PIH1D1: variants seen among roughly 807,000 people sequenced by gnomAD.
PIH1D1 encodes the protein PIH1 domain-containing protein 1.
A neutral mutation model predicts 38.5 loss-of-function variants in PIH1D1; 28 were observed. That is an observed-to-expected ratio of 0.73 (90% CI 0.54 to 1.00). The LOEUF (loss-of-function observed/expected upper bound fraction) is 1.00, where lower values mean the gene tolerates loss of function less well. Among genes scored for constraint, PIH1D1 ranks in the 50% least tolerant of loss-of-function variants. The probability of loss-of-function intolerance (pLI) is 0.00; values close to 1 mark genes in which losing one functional copy is unlikely to be tolerated. For missense variants in PIH1D1, 343 were observed against 369.9 expected, an observed-to-expected ratio of 0.93 and a Z score of 0.60; for synonymous variants, 155 against 153.5, an observed-to-expected ratio of 1.01 and a Z score of -0.07.
rs34198213 is a variant in PIH1D1, at chr19:49,446,692, A to T, written c.690T>A (p.Asp230Glu). 3.0e-3 allele frequency: 4,733 copies of T among 1,552,470 alleles called. 137 individuals carry two copies. In the African/African-American group the frequency reaches 0.057, roughly 19 times the overall value. Residue 230 changes from aspartate (D) to glutamate (E), a missense_variant and splice_region_variant, in exon 8 of 9, where the codon GAT becomes GAA. Asp to Glu is a conservative substitution (Grantham distance 45). Coordinates refer to ENST00000262265, the MANE Select transcript of PIH1D1 (RefSeq NM_017916.3). ...LLAEVDLPKL[D>E]GALGLSLEIG... ...TCTCCAGCGACAGCCCCAGGGCTCCATCCTGGAGAGGTGGCGGAATCAGGT... is the reference window on the plus strand; with the variant it reads ...TCTCCAGCGACAGCCCCAGGGCTCCTTCCTGGAGAGGTGGCGGAATCAGGT...
chr19:49,449,106 C>T (rs371977892), intron 3 of PIH1D1: 9 of 358,238 alleles, frequency 2.5e-5, no homozygotes, highest in African/African-American at 6.4e-5. Context: ...ACAGGAGAAT[C>T]GTCTGAACCT....
Position 49,447,427 on chromosome 19 carries a change from G to C in PIH1D1, c.522C>G (p.Ile174Met), listed in dbSNP as rs201815257. ...MMKNRPFMGS[I>M]SQQNIRSEQR... ...GCTCCGAGCGGATGTTCTGCTGCGAGATGGAGCCCATGAATGGCCGGTTCT... is the reference window on the plus strand; with the variant it reads ...GCTCCGAGCGGATGTTCTGCTGCGACATGGAGCCCATGAATGGCCGGTTCT... The change falls in exon 6 of 9, where the codon ATC becomes ATG. Residue 174 changes from isoleucine to methionine, a missense_variant. Physicochemically the swap from Ile to Met is conservative, Grantham distance 10. Transcript: ENST00000262265. 5.0e-6 allele frequency: 8 copies of C among 1,612,502 alleles called. No homozygotes were observed. The East Asian group carries it at 1.8e-4, about 36-fold the overall frequency.
At chr19:49,450,931 G>A (rs750656070) in intron 1 of PIH1D1, 83 bp from the exon 2 acceptor site, 7 of 1,607,362 alleles carry the variant, frequency 4.4e-6, no homozygotes, top group Non-Finnish European at 8.5e-7. Context: ...CAATTCTTAT[G>A]CATGAGAGCT....
In PIH1D1 at chr19:49,447,918, CAG is replaced by C; in HGVS notation, c.400-12_400-11del. On this transcript the variant is annotated splice_polypyrimidine_tract_variant and intron_variant, in intron 4 of 8. Coordinates refer to ENST00000262265, the MANE Select transcript of PIH1D1 (RefSeq NM_017916.3). ...GCAAGAAATCGCTGTTCTGGGGTGA[CAG>C]AGAGGGAAAAGACAGGCGGTGGCGG... 1 of 1,614,094 alleles carries C rather than the reference CAG, an allele frequency of 6.2e-7. No homozygotes were observed. Among genetic ancestry groups the C allele is most frequent in the Non-Finnish European group, 8.5e-7 (1 of 1,180,002 alleles).
In PIH1D1 at chr19:49,449,488, T is replaced by G; in HGVS notation, c.324A>C (p.Ala108=). 1.2e-6 allele frequency: 2 copies of G among 1,614,156 alleles called. No homozygotes were observed. Among genetic ancestry groups the G allele is most frequent in the Non-Finnish European group, 1.7e-6 (2 of 1,179,980 alleles). Reference sequence around the variant, plus strand: ...GAGGGCACTGACTTGCATCCAGTTCTGCATGAGGCTCTCCCAGACTCATGG... The same window carrying G: ...GAGGGCACTGACTTGCATCCAGTTCGGCATGAGGCTCTCCCAGACTCATGG... The part of the protein sequence containing the change: ...RIPMSLGEPH[A]ELDAKGQGCT... The change falls in exon 3 of 9, where the codon GCA becomes GCC. Residue 108 remains alanine (A), a synonymous_variant. Transcript: ENST00000262265.
chr19:49,451,031 T>A, intron 1 of PIH1D1, 183 bp from the exon 2 acceptor site: 5 of 951,974 alleles, frequency 5.3e-6, no homozygotes, highest in Non-Finnish European at 7.1e-6. Flanking sequence ...ATTTCTTTTT[T>A]TTTTTTTTTT....
rs2079054217 is a variant in PIH1D1, at chr19:49,450,865, T to G, written c.91-17A>C. ...CTTCGAGGCCTGTATAAAGGAAAAC[T>G]ACCTCCAGGCTCGGAGTCTGTGCCA... On this transcript the variant is annotated splice_polypyrimidine_tract_variant and intron_variant, in intron 1 of 8. Coordinates refer to ENST00000262265, the MANE Select transcript of PIH1D1 (RefSeq NM_017916.3). 1.1e-5 allele frequency: 17 copies of G among 1,613,778 alleles called. No homozygotes were observed. Among genetic ancestry groups the G allele is most frequent in the Non-Finnish European group, 1.3e-5 (15 of 1,179,918 alleles).
intron 2 of PIH1D1, 80 bp from the exon 3 acceptor site, chr19:49,449,734 T>C (rs1209623417): frequency 1.6e-6 from 2 of 1,245,974 alleles, no homozygotes; most frequent in African/African-American, 3.0e-5. Flanking sequence ...GCTCTGTCTC[T>C]TTTCCTTTTG....
rs897075426 is a variant in PIH1D1, at chr19:49,450,797, T to C, written c.142A>G (p.Ile48Val). The change falls in exon 2 of 9, where the codon ATC (isoleucine) becomes GTC (valine). Residue 48 changes from isoleucine (I) to valine (V), a missense_variant. Ile to Val is a conservative substitution (Grantham distance 29). Transcript: ENST00000262265. ...CCTTTCTCACCAGGCTGAGGCTGGA[T>C]TTGTGTCGATTCTGGTCTGGTTGTC... ...AQTTRPESTQ[I>V]QPQPGFCIKT... 6.2e-7 allele frequency: 1 copy of C among 1,611,100 alleles called. No homozygotes were observed. The highest frequency in any genetic ancestry group is 1.7e-5 in the Admixed American group (1 of 59,756).
intron 1 of PIH1D1, chr19:49,451,083 G>A: frequency 1.4e-6 from 1 of 717,772 alleles, no homozygotes. Context: ...AGGCTGGAGT[G>A]CAGTGCCGAG....
Position 49,448,052 on chromosome 19 carries a change from T to A in PIH1D1, c.348A>T (p.Gly116=). Residue 116 remains glycine (G), a synonymous_variant, in exon 4 of 9, where the codon GGA becomes GGT. Transcript: ENST00000262265. The part of the protein sequence containing the change: ...PHAELDAKGQ[G]CTAYDVAVNS... ...TGACAGCTACGTCGTAGGCGGTACA[T>A]CCCTGGCCTTCTGCGGGGAGAAAAA... is the stretch of plus-strand genomic sequence containing the variant. 1 of 1,614,094 alleles carries A rather than the reference T, an allele frequency of 6.2e-7. No homozygotes were observed. The highest frequency in any genetic ancestry group is 8.5e-7 in the Non-Finnish European group (1 of 1,180,004).
Position 49,448,079 on chromosome 19 carries a change from G to A in PIH1D1, c.338-17C>T. ...CCTGGCCTTCTGCGGGGAGAAAAAG[G>A]GGGTGAGGACCCCCCAGCCCTCTGC... On this transcript the variant is annotated splice_polypyrimidine_tract_variant and intron_variant, in intron 3 of 8. Coordinates refer to ENST00000262265, the MANE Select transcript of PIH1D1 (RefSeq NM_017916.3). The A allele has an allele frequency of 2.5e-6, 4 of 1,613,904 alleles. No individual in the cohort carries two copies. The highest frequency in any genetic ancestry group is 3.4e-6 in the Non-Finnish European group (4 of 1,179,872).
chr19:49,448,031 A>G lies in PIH1D1; in HGVS notation c.369T>C (p.Ala123=). The change falls in exon 4 of 9, where the codon GCT becomes GCC. Residue 123 remains alanine, a synonymous_variant. Transcript: ENST00000262265. ...KGQGCTAYDV[A]VNSDFYRRMQ... The stretch of plus-strand genomic sequence containing the variant: ...TCCTCCGGTAGAAGTCGCTGTTGAC[A>G]GCTACGTCGTAGGCGGTACATCCCT... 1 of 1,614,200 alleles carries G rather than the reference A, an allele frequency of 6.2e-7. No individual in the cohort carries two copies. The highest frequency in any genetic ancestry group is 1.1e-5 in the South Asian group (1 of 91,092).
intron 3 of PIH1D1, 112 bp from the exon 4 acceptor site, chr19:49,448,174 A>T: frequency 1.8e-6 from 2 of 1,093,250 alleles, no homozygotes; most frequent in Non-Finnish European, 2.7e-6. Context: ...AAGCAGAGAG[A>T]GACATAAGGA....
Position 49,449,464 on chromosome 19 carries a change from A to G in PIH1D1, c.337+11T>C. 6.2e-7 allele frequency: 1 copy of G among 1,613,826 alleles called. No individual in the cohort carries two copies. Among genetic ancestry groups the G allele is most frequent in the Non-Finnish European group, 8.5e-7 (1 of 1,179,758 alleles). On this transcript the variant is annotated intron_variant, in intron 3 of 8. Transcript: ENST00000262265. Reference sequence around the variant, plus strand: ...GCGGGCCAGACTCCTGGGTCCTCTGAGGGCACTGACTTGCATCCAGTTCTG... The same window carrying G: ...GCGGGCCAGACTCCTGGGTCCTCTGGGGGCACTGACTTGCATCCAGTTCTG...
At chr19:49,446,767 A>C (rs766855869) in intron 7 of PIH1D1, 73 bp from the exon 8 acceptor site, 4 of 1,435,036 alleles carry the variant, frequency 2.8e-6, no homozygotes, top group Middle Eastern at 1.9e-4. Flanking sequence ...TGGTAGCCTC[A>C]CACGCTGGGA....
chr19:49,451,607 A>C lies in PIH1D1; in HGVS notation c.-33T>G. The C allele has an allele frequency of 6.2e-7, 1 of 1,608,604 alleles. No homozygotes were observed. Among genetic ancestry groups the C allele is most frequent in the Middle Eastern group, 1.7e-4 (1 of 6,046 alleles). On this transcript the variant is annotated 5_prime_UTR_variant, in exon 1 of 9. Coordinates refer to ENST00000262265, the MANE Select transcript of PIH1D1 (RefSeq NM_017916.3). ...GGAAAGAGATCTAGGCGTCCTCGAGACCCTCAACGTGGGAAACTTTGCCCA... is the reference window on the plus strand; with the variant it reads ...GGAAAGAGATCTAGGCGTCCTCGAGCCCCTCAACGTGGGAAACTTTGCCCA...
At chr19:49,448,442 C>T (rs2122329991) in intron 3 of PIH1D1, 1 of 294,340 alleles carries the variant, frequency 3.4e-6, no homozygotes, top group Non-Finnish European at 6.6e-6. Flanking sequence ...CACTGAATTT[C>T]TTTCAGTCAC....
chr19:49,451,403 A>C (rs753195786), intron 1 of PIH1D1, 82 bp downstream of exon 1: 1 of 1,591,288 alleles, frequency 6.3e-7, no homozygotes, highest in Non-Finnish European at 8.6e-7. Flanking sequence ...GCCTTAGTGC[A>C]TTCTGGGAAC....
Sources: allele counts gnomAD v4.1 joint callset, GRCh38; gene constraint gnomAD v4.1.1; transcripts MANE v1.5; gene names NCBI Gene and HGNC (gene_info 2026-07-23, HGNC 2026-07-21).